The following SYNPR variants were observed in gnomAD, a reference collection of about 807,000 sequenced individuals.
SYNPR encodes synaptoporin.
Under a neutral mutation model 32.9 loss-of-function variants are expected in SYNPR, and 23 were observed. That is an observed-to-expected ratio of 0.70 (90% confidence interval 0.50 to 0.99). SYNPR has a LOEUF of 0.99. Among genes scored for constraint, SYNPR ranks in the 50% least tolerant of loss-of-function variants. The pLI is 0.00. For missense variants in SYNPR, 318 were observed against 349.3 expected (o/e 0.91, Z 0.71); for synonymous variants, 146 against 135.9 (o/e 1.07, Z -0.52).
intron 2 of SYNPR, among the ~76,000 whole-genome samples, chr3:63,384,234 A>C (rs2088012253): frequency 6.6e-6 from 1 of 152,244 alleles, no homozygotes; most frequent in Admixed American, 6.5e-5. Flanking sequence ...TTGCAACACT[A>C]TGAAGGCAGG....
chr3:63,572,129 G>A (rs1264515222), intron 4 of SYNPR, among the ~76,000 whole-genome samples: 1 of 152,000 alleles, frequency 6.6e-6, no homozygotes, highest in Non-Finnish European at 1.5e-5. Flanking sequence ...GTTCTTCTTG[G>A]GTGTCCTGGG....
chr3:63,243,406 T>TA (rs2086262612), intron 1 of SYNPR, among the ~76,000 whole-genome samples: 1 of 152,084 alleles, frequency 6.6e-6, no homozygotes, highest in Non-Finnish European at 1.5e-5. Flanking sequence ...ATTTGTTGAG[T>TA]AATTGCTGTG....
At chr3:63,514,919 G>C (rs1193590328) in intron 3 of SYNPR, among the ~76,000 whole-genome samples, 2 of 152,072 alleles carry the variant, frequency 1.3e-5, no homozygotes, top group Non-Finnish European at 2.9e-5. Context: ...TGTGATGTAA[G>C]TTTAATGCTT....
chr3:63,531,097 G>A (rs113149241), intron 3 of SYNPR, among the ~76,000 whole-genome samples: 2,153 of 152,190 alleles, frequency 0.014, 36 homozygotes, highest in African/African-American at 0.046. Context: ...CTTAAGGTGT[G>A]GTGAAGAGGA....
At chr3:63,402,821 G>A (rs926160273) in intron 2 of SYNPR, among the ~76,000 whole-genome samples, 6 of 152,178 alleles carry the variant, frequency 3.9e-5, no homozygotes, top group East Asian at 1.9e-4. Context: ...AAAGCATAGC[G>A]CACTTGACAT....
intron 3 of SYNPR, among the ~76,000 whole-genome samples, chr3:63,502,606 GT>G (rs1291585780): frequency 1.3e-5 from 2 of 152,040 alleles, no homozygotes; most frequent in Non-Finnish European, 2.9e-5. Flanking sequence ...TGTCTCCATA[GT>G]TTTGCTTTTT....
At chr3:63,345,566 T>C (rs142503124) in intron 2 of SYNPR, among the ~76,000 whole-genome samples, 63 of 152,170 alleles carry the variant, frequency 4.1e-4, no homozygotes, top group African/African-American at 1.4e-3. Context: ...TGAGGTGACC[T>C]TGCAGGGAAA....
chr3:63,470,764 G>T (rs1700780672), intron 2 of SYNPR, among the ~76,000 whole-genome samples: 1 of 152,096 alleles, frequency 6.6e-6, no homozygotes, highest in African/African-American at 2.4e-5. Context: ...AGTCTCCTAT[G>T]CAGTGAAAGG....
chr3:63,471,391 G>C (rs1575661636), intron 2 of SYNPR, among the ~76,000 whole-genome samples: 1 of 152,272 alleles, frequency 6.6e-6, no homozygotes, highest in East Asian at 1.9e-4. Context: ...GGTTTTACAA[G>C]GTTATTCACA....
chr3:63,259,702 T>TA (rs1553861492), intron 2 of SYNPR, among the ~76,000 whole-genome samples: 1 of 152,148 alleles, frequency 6.6e-6, no homozygotes, highest in Non-Finnish European at 1.5e-5. Flanking sequence ...CTATTCAACA[T>TA]AGTGTTGGAA....
chr3:63,515,282 C>G (rs1484169869), intron 3 of SYNPR, among the ~76,000 whole-genome samples: 1 of 152,040 alleles, frequency 6.6e-6, no homozygotes, highest in Non-Finnish European at 1.5e-5. Flanking sequence ...CTGTTGTTCT[C>G]ACCTCCTCAG....
intron 2 of SYNPR, among the ~76,000 whole-genome samples, chr3:63,408,340 G>GAAAGAAAGAAAA (rs2088414281): frequency 7.1e-6 from 1 of 141,488 alleles, no homozygotes. Flanking sequence ...AAGAAAGAAA[G>GAAAGAAAGAAAA]AAAGAAAGAA....
chr3:63,241,087 A>T (rs1305150787), intron 1 of SYNPR, among the ~76,000 whole-genome samples: 1 of 152,128 alleles, frequency 6.6e-6, no homozygotes, highest in African/African-American at 2.4e-5. Flanking sequence ...GGTACCCACT[A>T]TCAGGATCCA....
intron 1 of SYNPR, among the ~76,000 whole-genome samples, chr3:63,241,048 A>T (rs979053474): frequency 7.2e-5 from 11 of 152,128 alleles, no homozygotes; most frequent in Admixed American, 3.3e-4. Flanking sequence ...ATTAAAAAAA[A>T]AATCCATGCT....
At chr3:63,336,299 C>T (rs939936462) in intron 2 of SYNPR, among the ~76,000 whole-genome samples, 79 of 151,750 alleles carry the variant, frequency 5.2e-4, no homozygotes, top group African/African-American at 1.7e-3. Context: ...AGAGATTATG[C>T]AATGCATAAA....
intron 2 of SYNPR, among the ~76,000 whole-genome samples, chr3:63,344,262 A>G (rs2087408239): frequency 1.3e-5 from 2 of 152,202 alleles, no homozygotes; most frequent in South Asian, 4.1e-4. Flanking sequence ...ACAGTTTTCC[A>G]TTTGACCCAG....
chr3:63,352,791 A>G (rs112136740), intron 2 of SYNPR, among the ~76,000 whole-genome samples: 20 of 152,330 alleles, frequency 1.3e-4, no homozygotes, highest in Middle Eastern at 3.4e-3. Context: ...GATGTCTTGC[A>G]TGGTGGCAGA....
At chr3:63,606,173 A>G (rs1700116268) in intron 4 of SYNPR, among the ~76,000 whole-genome samples, 1 of 152,184 alleles carries the variant, frequency 6.6e-6, no homozygotes, top group Non-Finnish European at 1.5e-5. Flanking sequence ...TGTCAAAGTA[A>G]GGACTAAAAC....
At chr3:63,522,556 T>TA (rs5849561) in intron 3 of SYNPR, among the ~76,000 whole-genome samples, 138,441 of 152,226 alleles carry the variant, frequency 0.91, 63,006 homozygotes, top group East Asian at 1. Flanking sequence ...ACATTGGCTT[T>TA]TAAACAAATC....
Sources: allele counts gnomAD v4.1 joint callset (sites outside exome capture counted in the v4.1 genomes callset), GRCh38; gene constraint gnomAD v4.1.1; transcripts MANE v1.5; gene names NCBI Gene and HGNC (gene_info 2026-07-23, HGNC 2026-07-21).